Variants in SLC25A21 observed in about 807,000 individuals in gnomAD.
SLC25A21 encodes the protein mitochondrial 2-oxodicarboxylate carrier.
SLC25A21 carries 47 observed loss-of-function variants against 43.8 expected under a neutral mutation model. The observed-to-expected ratio is 1.07, with a 90% CI of 0.85 to 1.37. SLC25A21 has a LOEUF of 1.37. Ranked by LOEUF, SLC25A21 falls within the 40% of genes most tolerant of loss-of-function variation. SLC25A21 has a pLI of 0.00. For missense variants in SLC25A21, 352 were observed against 350.2 expected (o/e 1.00, Z -0.04); for synonymous variants, 131 against 121.3 (o/e 1.08, Z -0.52).
intron 2 of SLC25A21, among the ~76,000 whole-genome samples, chr14:36,814,555 C>A (rs995814006): frequency 1.3e-5 from 2 of 152,108 alleles, no homozygotes; most frequent in Non-Finnish European, 1.5e-5. Flanking sequence ...AAGCGGCCAA[C>A]AAACATGAAA....
chr14:36,694,599 C>T (rs1882937948), intron 7 of SLC25A21, among the ~76,000 whole-genome samples: 2 of 152,170 alleles, frequency 1.3e-5, no homozygotes, highest in Admixed American at 1.3e-4. Flanking sequence ...TAATGATTGC[C>T]ATTCTAACTG....
chr14:36,764,020 CTCTGT>C (rs1163771018), intron 3 of SLC25A21, among the ~76,000 whole-genome samples: 40 of 100,842 alleles, frequency 4.0e-4, no homozygotes, highest in African/African-American at 1.5e-3. Context: ...CAGAGCAAGA[CTCTGT>C]GAAAGAAAGA....
chr14:36,772,039 G>C (rs998604256), intron 3 of SLC25A21, among the ~76,000 whole-genome samples: 15 of 152,070 alleles, frequency 9.9e-5, no homozygotes, highest in Non-Finnish European at 1.8e-4. Context: ...CAACGAACAG[G>C]AAAGTTTGCC....
chr14:36,768,961 CTATCTA>C (rs547092027), intron 3 of SLC25A21, among the ~76,000 whole-genome samples: 146 of 149,930 alleles, frequency 9.7e-4, no homozygotes, highest in African/African-American at 3.0e-3. Context: ...AAACCTATAT[CTATCTA>C]TATCTATATC....
chr14:37,081,345 C>A (rs1287567957), intron 1 of SLC25A21, among the ~76,000 whole-genome samples: 1 of 152,164 alleles, frequency 6.6e-6, no homozygotes, highest in Non-Finnish European at 1.5e-5. Flanking sequence ...TTGTTAGTGA[C>A]ACGTCACGGA....
chr14:36,981,852 T>A (rs528297709), intron 1 of SLC25A21, among the ~76,000 whole-genome samples: 17 of 152,078 alleles, frequency 1.1e-4, no homozygotes, highest in Admixed American at 6.6e-4. Context: ...AAAATAAAAT[T>A]AAATTAAAAA....
intron 3 of SLC25A21, among the ~76,000 whole-genome samples, chr14:36,798,558 T>G (rs1231595164): frequency 7.9e-6 from 1 of 126,814 alleles, no homozygotes; most frequent in Non-Finnish European, 1.8e-5. Flanking sequence ...AGCTGGGTTT[T>G]TTTTTTTTAA....
chr14:36,699,520 C>CT (rs1293401316), intron 7 of SLC25A21, among the ~76,000 whole-genome samples: 1 of 152,224 alleles, frequency 6.6e-6, no homozygotes, highest in Non-Finnish European at 1.5e-5. Flanking sequence ...CAGAAGTTGT[C>CT]TGCTGCCTTT....
intron 1 of SLC25A21, among the ~76,000 whole-genome samples, chr14:36,907,326 T>C (rs919438413): frequency 2.0e-5 from 3 of 152,188 alleles, no homozygotes; most frequent in African/African-American, 4.8e-5. Flanking sequence ...GTAAAGAGCA[T>C]ATATTTTTGG....
intron 1 of SLC25A21, among the ~76,000 whole-genome samples, chr14:36,894,339 T>C (rs891644546): frequency 3.9e-5 from 6 of 152,118 alleles, no homozygotes; most frequent in Non-Finnish European, 7.3e-5. Context: ...GGCTCTCTGT[T>C]TGTTGGTTAT....
intron 1 of SLC25A21, among the ~76,000 whole-genome samples, chr14:37,054,924 GCA>G (rs1961788407): frequency 1.3e-5 from 2 of 152,306 alleles, no homozygotes; most frequent in African/African-American, 2.4e-5. Context: ...AGAAAAAAAT[GCA>G]CAGAGGGCAA....
intron 2 of SLC25A21, chr14:36,828,633 TA>T (rs1249737734): frequency 6.6e-6 from 1 of 152,212 alleles, no homozygotes; most frequent in African/African-American, 2.4e-5. Flanking sequence ...TGCTGAAACT[TA>T]AGGATTTTTT....
intron 1 of SLC25A21, among the ~76,000 whole-genome samples, chr14:37,025,153 A>G (rs1377920403): frequency 5.3e-5 from 8 of 152,160 alleles, no homozygotes; most frequent in Admixed American, 5.2e-4. Flanking sequence ...AACAAGTAGG[A>G]AAGAATGTGG....
chr14:37,089,017 C>T lies in SLC25A21; in HGVS notation c.70+83264G>A, dbSNP rs189614336. 9.7e-4 allele frequency among the ~76,000 whole-genome samples: 147 copies of T among 152,278 alleles called. 1 individual carries two copies. The Middle Eastern group carries it at 0.027, about 28-fold the overall frequency. Reference sequence around the variant, plus strand: ...CATGCCCATAATGTATACAGAGTCTCTGACTTCCGCCGTAAGCGAGGCTTT... The same window carrying T: ...CATGCCCATAATGTATACAGAGTCTTTGACTTCCGCCGTAAGCGAGGCTTT... On this transcript the variant is annotated intron_variant, in intron 1 of 9. Transcript: ENST00000331299.
rs570281573 is a variant in SLC25A21, at chr14:36,960,645, T to G, written c.71-85641A>C. On this transcript the variant is annotated intron_variant, in intron 1 of 9. Transcript: ENST00000331299. ...TCAGTCCTTCCCCTGCCCCGCCTTC[T>G]GCCTAAAGGTGGTCTCATTGTTATT... 2.6e-5 allele frequency among the ~76,000 whole-genome samples: 4 copies of G among 152,304 alleles called. No homozygotes were observed. The South Asian group carries it at 8.3e-4, about 32-fold the overall frequency.
intron 1 of SLC25A21, among the ~76,000 whole-genome samples, chr14:37,093,876 T>C (rs919187291): frequency 3.9e-5 from 6 of 152,216 alleles, no homozygotes; most frequent in Non-Finnish European, 8.8e-5. Context: ...TCTGGCCATT[T>C]GCTAACCATT....
rs1321339179 is a variant in SLC25A21, at chr14:37,169,580, A to AACACACACACACACAC, written c.70+2685_70+2700dup. Among the ~76,000 whole-genome samples, 380 of 145,288 alleles carry AACACACACACACACAC rather than the reference A, an allele frequency of 2.6e-3. 1 individual carries two copies. The highest frequency in any genetic ancestry group is 6.1e-3 in the African/African-American group (245 of 39,966). ...TTGGCCTTTACAAACAAAAGGTCAT[A>AACACACACACACACAC]ACACACACACACACACACACACACA... On this transcript the variant is annotated intron_variant, in intron 1 of 9. Coordinates refer to ENST00000331299, the MANE Select transcript of SLC25A21 (RefSeq NM_030631.4).
intron 1 of SLC25A21, among the ~76,000 whole-genome samples, chr14:37,099,181 C>G (rs1306562843): frequency 6.6e-6 from 1 of 152,088 alleles, no homozygotes; most frequent in East Asian, 1.9e-4. Context: ...AAGTCAGGAG[C>G]CAAGAGCATA....
chr14:36,756,881 A>G (rs1473898018), intron 3 of SLC25A21, among the ~76,000 whole-genome samples: 1 of 152,210 alleles, frequency 6.6e-6, no homozygotes, highest in Non-Finnish European at 1.5e-5. Context: ...TGAGAACACT[A>G]TTTCCCAAAC....
Sources: allele counts gnomAD v4.1 joint callset (sites outside exome capture counted in the v4.1 genomes callset), GRCh38; gene constraint gnomAD v4.1.1; transcripts MANE v1.5; gene names NCBI Gene and HGNC (gene_info 2026-07-23, HGNC 2026-07-21).